The following UTY variants were observed in gnomAD, a reference collection of about 807,000 sequenced individuals.
UTY encodes histone demethylase UTY.
Under a neutral mutation model 32.5 loss-of-function variants are expected in UTY, and 12 were observed. The observed-to-expected ratio is 0.37, with a 90% CI of 0.24 to 0.60. UTY has a LOEUF of 0.60. Ranked by LOEUF, UTY falls within the 20% of genes least tolerant of loss-of-function variation. UTY has a pLI of 0.69. For missense variants in UTY, 303 were observed against 299.2 expected (o/e 1.01, Z -0.09); for synonymous variants, 131 against 103.4 (o/e 1.27, Z -1.62).
At chrY:13,450,009 T>A in intron 3 of UTY, among the ~76,000 whole-genome samples, 1 of 33,434 alleles carries the variant, frequency 3.0e-5, no homozygotes, top group Non-Finnish European at 7.4e-5. Context: ...GTAAGCCTAT[T>A]GAGGAAATCT....
intron 3 of UTY, among the ~76,000 whole-genome samples, chrY:13,457,647 A>C: frequency 3.0e-5 from 1 of 33,477 alleles, no homozygotes; most frequent in Non-Finnish European, 7.4e-5. Flanking sequence ...GAAACCTAAC[A>C]AACATGCCTC....
At chrY:13,455,497 G>A in intron 3 of UTY, among the ~76,000 whole-genome samples, 1 of 33,048 alleles carries the variant, frequency 3.0e-5, no homozygotes, top group African/African-American at 1.2e-4. Context: ...CTTCCAACAC[G>A]AAGGACATGA....
intron 8 of UTY, among the ~76,000 whole-genome samples, chrY:13,377,556 A>G (rs2065525008): frequency 3.0e-5 from 1 of 32,871 alleles, no homozygotes; most frequent in Non-Finnish European, 7.4e-5. Context: ...TGCTAAAAAT[A>G]CAAAAATCAG....
chrY:13,376,184 T>C (rs2065376874), intron 8 of UTY, among the ~76,000 whole-genome samples: 1 of 33,499 alleles, frequency 3.0e-5, no homozygotes, highest in Non-Finnish European at 7.4e-5. Flanking sequence ...CTTGTATCAT[T>C]CTACAAAGCC....
chrY:13,351,695 G>A, intron 17 of UTY, among the ~76,000 whole-genome samples: 1 of 33,708 alleles, frequency 3.0e-5, no homozygotes, highest in African/African-American at 1.2e-4. Flanking sequence ...TAAAATGTAT[G>A]TACTGTTTAT....
At chrY:13,395,071 T>A (rs930169213) in intron 7 of UTY, among the ~76,000 whole-genome samples, 2 of 33,568 alleles carry the variant, frequency 6.0e-5, no homozygotes, top group Non-Finnish European at 1.5e-4. Context: ...TGAAACTAAG[T>A]TATTGCTTTA....
chrY:13,378,347 A>G (rs2065635262), intron 8 of UTY, among the ~76,000 whole-genome samples: 1 of 33,406 alleles, frequency 3.0e-5, no homozygotes, highest in Non-Finnish European at 7.4e-5. Flanking sequence ...AATCTTCCTC[A>G]ATGCAGTATG....
intron 15 of UTY, among the ~76,000 whole-genome samples, chrY:13,356,243 C>A: frequency 9.3e-5 from 3 of 32,245 alleles, no homozygotes; most frequent in Non-Finnish European, 2.3e-4. Flanking sequence ...GCAACCTCTG[C>A]CGCCTGGGAT....
intron 27 of UTY, among the ~76,000 whole-genome samples, chrY:13,284,983 T>C (rs2057259937): frequency 2.9e-5 from 1 of 34,212 alleles, no homozygotes; most frequent in Non-Finnish European, 7.3e-5. Flanking sequence ...CCTGGAGTAA[T>C]AAGTCATGCC....
chrY:13,287,609 C>T (rs2057498596), intron 27 of UTY, among the ~76,000 whole-genome samples: 2 of 31,974 alleles, frequency 6.3e-5, no homozygotes, highest in African/African-American at 1.2e-4. Context: ...ATGCGGTGCT[C>T]TAAATCACAC....
At chrY:13,344,603 G>C in intron 17 of UTY, among the ~76,000 whole-genome samples, 1 of 33,977 alleles carries the variant, frequency 2.9e-5, no homozygotes, top group Non-Finnish European at 7.3e-5. Context: ...CTTACTAAAG[G>C]GGATTATTCC....
intron 8 of UTY, among the ~76,000 whole-genome samples, chrY:13,375,428 C>T (rs1009909559): frequency 1.2e-4 from 4 of 33,619 alleles, no homozygotes; most frequent in Non-Finnish European, 2.2e-4. Flanking sequence ...TGTCATATAT[C>T]CAACAATAGA....
intron 7 of UTY, among the ~76,000 whole-genome samples, chrY:13,395,948 TCACCCTGG>T (rs2068172139): frequency 4.1e-5 from 1 of 24,383 alleles, no homozygotes; most frequent in Non-Finnish European, 9.7e-5. Flanking sequence ...TCTTGCTTTG[TCACCCTGG>T]CATGTAGTGG....
At chrY:13,297,498 G>A in intron 27 of UTY, 1 of 243,893 alleles carries the variant, frequency 4.1e-6, no homozygotes, top group African/African-American at 7.5e-5. Flanking sequence ...ATAAACACAA[G>A]TGACTATCTG....
chrY:13,260,352 C>A lies in UTY; in HGVS notation c.4063G>T (p.Val1355Phe). ...KQYQTLREAL[V>F]AAGKEVIWHG... ...CATATAACCTCTTTTCCTGCTGCAA[C>A]AAGAGCTTCTCTCAATGTCTGATAT... The change falls in exon 28 of 30, where the codon GTT becomes TTT. Residue 1355 changes from valine (V) to phenylalanine (F), a missense_variant. Physicochemically the swap from Val to Phe is conservative, Grantham distance 50. Coordinates refer to ENST00000545955, the MANE Select transcript of UTY (RefSeq NM_001258249.2). 5.0e-6 allele frequency: 2 copies of A among 396,865 alleles called. No individual in the cohort carries two copies. The highest frequency in any genetic ancestry group is 3.5e-6 in the Non-Finnish European group (1 of 282,117).
intron 27 of UTY, among the ~76,000 whole-genome samples, chrY:13,288,160 C>A: frequency 3.2e-5 from 1 of 31,504 alleles, no homozygotes; most frequent in Non-Finnish European, 7.6e-5. Flanking sequence ...AAAAGAATCA[C>A]CCTGATCATC....
intron 4 of UTY, 87 bp from the exon 5 acceptor site, chrY:13,414,880 A>G (rs1254413292): frequency 1.2e-5 from 2 of 164,676 alleles, no homozygotes; most frequent in African/African-American, 1.8e-4. Context: ...ACGTAACGAG[A>G]TGTTTTAAGT....
intron 4 of UTY, among the ~76,000 whole-genome samples, chrY:13,419,528 G>A: frequency 2.9e-5 from 1 of 34,439 alleles, no homozygotes; most frequent in Non-Finnish European, 7.3e-5. Flanking sequence ...TACATTTAAT[G>A]CACCTAATCT....
At chrY:13,431,984 T>C (rs2074076029) in intron 4 of UTY, among the ~76,000 whole-genome samples, 1 of 33,512 alleles carries the variant, frequency 3.0e-5, no homozygotes, top group Non-Finnish European at 7.4e-5. Flanking sequence ...CATACAGCAA[T>C]AGCAAATAAC....
Sources: gnomAD v4.1 joint callset for allele counts (sites outside exome capture counted in the v4.1 genomes callset) on GRCh38, gnomAD v4.1.1 for gene constraint, MANE v1.5 for transcripts, NCBI Gene and HGNC (gene_info 2026-07-23, HGNC 2026-07-21) for gene names.